Variants in DIAPH1 observed in about 807,000 individuals in gnomAD.
DIAPH1 encodes diaphanous related formin 1.
In DIAPH1, 46 loss-of-function variants were observed where a neutral mutation model predicts 140.7. The observed-to-expected ratio is 0.33, with a 90% CI of 0.26 to 0.42. The LOEUF (loss-of-function observed/expected upper bound fraction) is 0.42, where lower values mean the gene tolerates loss of function less well. Among genes scored for constraint, DIAPH1 ranks in the 10% least tolerant of loss-of-function variants. The pLI is 1.00. For missense variants in DIAPH1, 1,310 were observed against 1,558.7 expected (o/e 0.84, Z 2.69); for synonymous variants, 565 against 551.6 (o/e 1.02, Z -0.34).
intron 12 of DIAPH1, 89 bp downstream of exon 12, chr5:141,577,386 T>C: frequency 1.1e-6 from 1 of 952,144 alleles, no homozygotes; most frequent in Non-Finnish European, 1.7e-6. Flanking sequence ...CTTTACATTT[T>C]CCTTTTACAG....
At chr5:141,606,879 TA>T (rs1021469615) in intron 1 of DIAPH1, among the ~76,000 whole-genome samples, 4 of 151,592 alleles carry the variant, frequency 2.6e-5, no homozygotes, top group Admixed American at 6.6e-5. Flanking sequence ...GAGAGAGAAT[TA>T]ATGTTTTCAA....
At chr5:141,569,359 A>G (rs1279299234) in intron 18 of DIAPH1, among the ~76,000 whole-genome samples, 1 of 152,214 alleles carries the variant, frequency 6.6e-6, no homozygotes, top group Non-Finnish European at 1.5e-5. Context: ...ATTTAATTAT[A>G]TCATCAATAT....
chr5:141,533,703 A>C (rs1021411485), intron 19 of DIAPH1, among the ~76,000 whole-genome samples: 9 of 152,072 alleles, frequency 5.9e-5, no homozygotes, highest in African/African-American at 2.2e-4. Flanking sequence ...AAAAAAGCAA[A>C]AGTGGGAGCA....
At chr5:141,599,154 T>A (rs1471497825) in intron 1 of DIAPH1, among the ~76,000 whole-genome samples, 3 of 152,058 alleles carry the variant, frequency 2.0e-5, no homozygotes, top group Non-Finnish European at 4.4e-5. Flanking sequence ...AGCAGAGAGG[T>A]TAGCAGGGAT....
At chr5:141,566,632 T>C (rs553538914) in intron 18 of DIAPH1, among the ~76,000 whole-genome samples, 1 of 152,322 alleles carries the variant, frequency 6.6e-6, no homozygotes, top group East Asian at 1.9e-4. Flanking sequence ...TAGTGGCTCA[T>C]GCCTGTAATC....
intron 1 of DIAPH1, among the ~76,000 whole-genome samples, chr5:141,610,606 T>C (rs2099901673): frequency 6.6e-6 from 1 of 151,594 alleles, no homozygotes; most frequent in Non-Finnish European, 1.5e-5. Flanking sequence ...GCCCAATTTT[T>C]GTATTTTTAG....
chr5:141,547,237 G>A (rs1010004446), intron 18 of DIAPH1, among the ~76,000 whole-genome samples: 4 of 152,322 alleles, frequency 2.6e-5, no homozygotes, highest in South Asian at 2.1e-4. Flanking sequence ...AGGCCAAGGC[G>A]GGCGGATCAT....
chr5:141,527,483 A>G (rs549598070), intron 24 of DIAPH1, 90 bp downstream of exon 24: 24 of 1,422,982 alleles, frequency 1.7e-5, no homozygotes, highest in Admixed American at 2.2e-5. Context: ...AAAAAATTGC[A>G]TACTGCCCTA....
In DIAPH1 at chr5:141,571,317, C is replaced by G. The variant is rs149144463; in HGVS notation, c.2482+111G>C. The G allele has an allele frequency of 4.7e-4, 437 of 931,110 alleles. No homozygotes were observed. The African/African-American group carries it at 6.2e-3, about 13-fold the overall frequency. 57.7% of individuals were successfully genotyped at this position (931,110 alleles called of 1,614,324 possible). ...CAAAAAACACCTAGCAAAGACAAGT[C>G]AACCCTCAATCTCTGGTCTCAGTTT... is the stretch of plus-strand genomic sequence containing the variant. On this transcript the variant is annotated intron_variant, in intron 18 of 27. Coordinates refer to ENST00000389054, the MANE Select transcript of DIAPH1 (RefSeq NM_005219.5).
chr5:141,519,245 A>G (rs1298132940), intron 27 of DIAPH1, among the ~76,000 whole-genome samples: 2 of 152,186 alleles, frequency 1.3e-5, no homozygotes, highest in Non-Finnish European at 2.9e-5. Context: ...CAGGCCTCCT[A>G]CATTTCCACT....
intron 2 of DIAPH1, chr5:141,587,603 T>C (rs986342813): frequency 3.8e-6 from 1 of 260,826 alleles, no homozygotes; most frequent in Non-Finnish European, 7.5e-6. Context: ...AGAGGATGTC[T>C]CCCTTCAAGA....
In DIAPH1 at chr5:141,578,585, G is replaced by A. The variant is rs376981308; in HGVS notation, c.974C>T (p.Ala325Val). The change falls in exon 10 of 28, where the codon GCG becomes GTG. Residue 325 changes from alanine (A) to valine (V), a missense_variant. Transcript: ENST00000389054. ...GTGAACTCGGAAGTCAAGTTCCTCC[G>A]CTGGTGTGATGAGAGCATTGATCAG... ...LQLINALITP[A>V]EELDFRVHIR... 14 of 1,613,566 alleles carry A rather than the reference G, an allele frequency of 8.7e-6. No homozygotes were observed. The highest frequency in any genetic ancestry group is 1.3e-5 in the African/African-American group (1 of 74,888).
intron 18 of DIAPH1, among the ~76,000 whole-genome samples, chr5:141,535,136 G>T (rs950984544): frequency 6.6e-6 from 1 of 152,122 alleles, no homozygotes; most frequent in Admixed American, 6.5e-5. Flanking sequence ...TTTTTGTGGA[G>T]ATGAGGTTTC....
chr5:141,571,204 T>G lies in DIAPH1; in HGVS notation c.2482+224A>C, dbSNP rs562352278. On this transcript the variant is annotated intron_variant, in intron 18 of 27. Transcript: ENST00000389054. ...TCACCTTCTAAAGAGATTAAGTATG[T>G]GGTAGTTTAACGGGAAGCAAACTTT... Among the ~76,000 whole-genome samples, 312 of 152,316 alleles carry G rather than the reference T, an allele frequency of 2.0e-3. 2 individuals carry two copies. The highest frequency in any genetic ancestry group is 3.9e-3 in the Non-Finnish European group (264 of 68,032).
At chr5:141,533,068 T>C (rs993745929) in intron 19 of DIAPH1, among the ~76,000 whole-genome samples, 32 of 152,228 alleles carry the variant, frequency 2.1e-4, no homozygotes, top group Non-Finnish European at 4.3e-4. Flanking sequence ...TACTTATGGG[T>C]ATGTGTACTT....
intron 24 of DIAPH1, 87 bp downstream of exon 24, chr5:141,527,486 C>T (rs1369548391): frequency 2.4e-5 from 34 of 1,439,938 alleles, no homozygotes; most frequent in Non-Finnish European, 3.1e-5. Flanking sequence ...AAATTGCATA[C>T]TGCCCTATCT....
intron 1 of DIAPH1, among the ~76,000 whole-genome samples, chr5:141,614,050 G>A (rs1169010791): frequency 6.6e-6 from 1 of 152,126 alleles, no homozygotes; most frequent in Non-Finnish European, 1.5e-5. Flanking sequence ...TGCTTTGCTG[G>A]TAGCATAAAA....
intron 1 of DIAPH1, 36 bp from the exon 2 acceptor site, chr5:141,588,286 A>AG (rs762990699): frequency 6.4e-7 from 1 of 1,572,000 alleles, no homozygotes; most frequent in African/African-American, 1.3e-5. Flanking sequence ...AAGAAAGAAG[A>AG]GAAATCAGTG....
chr5:141,605,431 G>C (rs6898015), intron 1 of DIAPH1, among the ~76,000 whole-genome samples: 4 of 151,852 alleles, frequency 2.6e-5, no homozygotes, highest in African/African-American at 9.7e-5. Flanking sequence ...CAAAAAAAAA[G>C]CACACACAAA....
Sources: allele counts gnomAD v4.1 joint callset (sites outside exome capture counted in the v4.1 genomes callset), GRCh38; gene constraint gnomAD v4.1.1; transcripts MANE v1.5; gene names NCBI Gene and HGNC (gene_info 2026-07-23, HGNC 2026-07-21).